ADGRV1: variants seen among roughly 807,000 people sequenced by gnomAD.
ADGRV1 encodes the protein G-protein coupled receptor 98.
A neutral mutation model predicts 596.2 loss-of-function variants in ADGRV1; 359 were observed. That is an observed-to-expected ratio of 0.60 (90% CI 0.55 to 0.66). The LOEUF (loss-of-function observed/expected upper bound fraction) is 0.66, where lower values mean the gene tolerates loss of function less well. Among genes scored for constraint, ADGRV1 ranks in the 30% least tolerant of loss-of-function variants. The pLI, the probability that ADGRV1 is intolerant of heterozygous loss-of-function variation, is 0.00. For synonymous variants in ADGRV1, 2,681 were observed against 2,679.2 expected, an observed-to-expected ratio of 1.00 and a Z score of -0.02; for missense variants, 7,274 against 7,575.6, an observed-to-expected ratio of 0.96 and a Z score of 1.48.
chr5:90,574,131 T>C (rs59598579), intron 1 of ADGRV1, among the ~76,000 whole-genome samples: 1,871 of 152,230 alleles, frequency 0.012, 36 homozygotes, highest in African/African-American at 0.043. Flanking sequence ...GCTTTGTCTA[T>C]TGAGGCTCTT....
At chr5:90,589,715 A>T (rs1759226885) in intron 1 of ADGRV1, among the ~76,000 whole-genome samples, 1 of 152,172 alleles carries the variant, frequency 6.6e-6, no homozygotes, top group Non-Finnish European at 1.5e-5. Flanking sequence ...CCCACAATTC[A>T]AGTGCTAGAT....
chr5:90,645,228 G>A (rs1304397069), intron 15 of ADGRV1, among the ~76,000 whole-genome samples: 1 of 152,168 alleles, frequency 6.6e-6, no homozygotes, highest in Non-Finnish European at 1.5e-5. Context: ...CATGAGTCAT[G>A]GACCAAACAT....
chr5:90,561,425 C>G (rs990143765), intron 1 of ADGRV1, among the ~76,000 whole-genome samples: 1 of 152,108 alleles, frequency 6.6e-6, no homozygotes, highest in African/African-American at 2.4e-5. Context: ...AAGAAGTATC[C>G]TAATGGGTAA....
intron 62 of ADGRV1, 98 bp downstream of exon 62, chr5:90,778,141 G>A (rs1445595387): frequency 7.3e-7 from 1 of 1,374,660 alleles, no homozygotes; most frequent in Non-Finnish European, 9.9e-7. Context: ...GTTTGTGTGT[G>A]TGTGGTTAGA....
chr5:91,102,144 A>G, intron 86 of ADGRV1, 75 bp from the exon 87 acceptor site: 1 of 1,416,682 alleles, frequency 7.1e-7, no homozygotes, highest in Non-Finnish European at 9.5e-7. Flanking sequence ...CACAGAAAGA[A>G]GCCAAAAATA....
At chr5:90,735,451 C>G (rs536564091) in intron 50 of ADGRV1, among the ~76,000 whole-genome samples, 3 of 152,246 alleles carry the variant, frequency 2.0e-5, no homozygotes, top group African/African-American at 7.2e-5. Context: ...TGTGATGCAT[C>G]CAGCCTTGTT....
At chr5:90,706,123 T>C (rs1748558186) in intron 37 of ADGRV1, 108 bp from the exon 38 acceptor site, 1 of 846,166 alleles carries the variant, frequency 1.2e-6, no homozygotes, top group East Asian at 2.7e-5. Flanking sequence ...TTGGGACCAA[T>C]AATACTAGCT....
intron 34 of ADGRV1, among the ~76,000 whole-genome samples, chr5:90,701,510 T>C (rs1747902078): frequency 6.6e-6 from 1 of 152,012 alleles, no homozygotes; most frequent in Non-Finnish European, 1.5e-5. Flanking sequence ...ACATTTTCAC[T>C]AGGCTTACAA....
intron 59 of ADGRV1, among the ~76,000 whole-genome samples, chr5:90,764,082 G>A (rs1756814987): frequency 1.3e-5 from 2 of 152,174 alleles, no homozygotes; most frequent in Non-Finnish European, 2.9e-5. Context: ...CTCTTGGGGA[G>A]TGATAAGGGG....
Position 90,774,684 on chromosome 5 carries a change from A to G in ADGRV1, c.12403+381A>G, listed in dbSNP as rs868351625. On this transcript the variant is annotated intron_variant, in intron 60 of 89. Coordinates refer to ENST00000405460, the MANE Select transcript of ADGRV1 (RefSeq NM_032119.4). ...CGTGACATAACAGGAAAAACTCTCAATTACATTAAAAATTAAGAACACATA... is the reference window on the plus strand; with the variant it reads ...CGTGACATAACAGGAAAAACTCTCAGTTACATTAAAAATTAAGAACACATA... Among the ~76,000 whole-genome samples, 4 of 152,274 alleles carry G rather than the reference A, an allele frequency of 2.6e-5. 1 individual carries two copies. The highest frequency in any genetic ancestry group is 3.4e-3 in the Middle Eastern group (1 of 294).
Position 90,712,516 on chromosome 5 carries a change from T to C in ADGRV1, c.9184+88T>C. On this transcript the variant is annotated intron_variant, in intron 42 of 89. Coordinates refer to ENST00000405460, the MANE Select transcript of ADGRV1 (RefSeq NM_032119.4). ...AAGATGTAAAGGAATGAGAAAGTCT[T>C]GGTGGTTTTCTGTGCTTAAAATGAG... is the stretch of plus-strand genomic sequence containing the variant. 4 of 1,022,842 alleles carry C rather than the reference T, an allele frequency of 3.9e-6. No individual in the cohort carries two copies. The South Asian group carries it at 6.9e-5, about 18-fold the overall frequency. 63.4% of individuals were successfully genotyped at this position (1,022,842 alleles called of 1,614,324 possible).
At chr5:90,905,655 A>G (rs1321121818) in intron 83 of ADGRV1, among the ~76,000 whole-genome samples, 15 of 152,134 alleles carry the variant, frequency 9.9e-5, no homozygotes, top group Admixed American at 2.0e-4. Flanking sequence ...TTTTCCAAAT[A>G]TAAGATCACA....
intron 75 of ADGRV1, 35 bp from the exon 76 acceptor site, chr5:90,823,390 C>G (rs780526485): frequency 6.2e-7 from 1 of 1,602,488 alleles, no homozygotes; most frequent in Non-Finnish European, 8.5e-7. Context: ...GGATGACACC[C>G]TCTGTTAAGG....
At chr5:90,673,909 A>G (rs1580691469) in intron 22 of ADGRV1, 145 bp from the exon 23 acceptor site, 2 of 612,518 alleles carry the variant, frequency 3.3e-6, no homozygotes, top group Non-Finnish European at 5.7e-6. Context: ...CACACATACA[A>G]TGTTTTAATG....
In ADGRV1 at chr5:90,720,948, GA is replaced by G; in HGVS notation, c.9638del (p.Asp3213AlafsTer11). ...SAVENRATSI[D>X]IEEANRTVYL... ...TATTTCTTTCAGAGCCACCTCCATA[GA>G]CATCGAAGAAGCCAATAGGACCGTG... is the stretch of plus-strand genomic sequence containing the variant. On this transcript the variant is annotated frameshift_variant, in exon 45 of 90. Transcript: ENST00000405460. LOFTEE classifies it high-confidence loss of function. The G allele has an allele frequency of 6.2e-7, 1 of 1,610,494 alleles. No individual in the cohort carries two copies.
chr5:90,763,474 A>C lies in ADGRV1; in HGVS notation c.12285+5A>C, dbSNP rs763561594. The C allele has an allele frequency of 6.2e-7, 1 of 1,602,260 alleles. No individual in the cohort carries two copies. The highest frequency in any genetic ancestry group is 2.2e-5 in the East Asian group (1 of 44,690). ...GGGACCCTTCATTTTGATGAGGTAT[A>C]GTCAGCATTAGCACTCCTGTAATTT... On this transcript the variant is annotated splice_donor_5th_base_variant and intron_variant, in intron 59 of 89. Transcript: ENST00000405460.
chr5:90,558,961 C>T, intron 1 of ADGRV1, 44 bp downstream of exon 1: 2 of 1,529,608 alleles, frequency 1.3e-6, no homozygotes, highest in Non-Finnish European at 1.8e-6. Flanking sequence ...TCGCTGAGCC[C>T]CAGGGGAGCG....
At chr5:90,670,917 T>C (rs1772367413) in intron 21 of ADGRV1, among the ~76,000 whole-genome samples, 1 of 152,208 alleles carries the variant, frequency 6.6e-6, no homozygotes, top group African/African-American at 2.4e-5. Flanking sequence ...GCATAAAGAA[T>C]GCCAGCTTTA....
chr5:90,778,989 A>C lies in ADGRV1; in HGVS notation c.12974A>C (p.Glu4325Ala). The C allele has an allele frequency of 6.2e-7, 1 of 1,613,386 alleles. No individual in the cohort carries two copies. Among genetic ancestry groups the C allele is most frequent in the Non-Finnish European group, 8.5e-7 (1 of 1,179,442 alleles). The change falls in exon 64 of 90, where the codon GAA (glutamate) becomes GCA (alanine). Residue 4325 changes from glutamate (E) to alanine (A), a missense_variant. Around this residue, in one of 5 missense-constraint regions of ADGRV1, gnomAD observed 3,643 missense variants for 3,809.2 expected, o/e 0.96. Transcript: ENST00000405460. The part of the protein sequence containing the change: ...FVPAAGELLF[E>A]AGEMRKSLHV... ...CCTGCAGCAGGGGAGCTCCTCTTTG[A>C]AGCAGGGGAGATGAGGAAAAGTCTG...
Sources: allele counts gnomAD v4.1 joint callset (sites outside exome capture counted in the v4.1 genomes callset), GRCh38; gene constraint gnomAD v4.1.1; regional missense constraint gnomAD v4.1.1; transcripts MANE v1.5; gene names NCBI Gene and HGNC (gene_info 2026-07-23, HGNC 2026-07-21).